CTNNBL1: variants seen among roughly 807,000 people sequenced by gnomAD.
The protein encoded by CTNNBL1 is beta-catenin-like protein 1.
A neutral mutation model predicts 72.7 loss-of-function variants in CTNNBL1; 31 were observed. The observed-to-expected ratio is 0.43, with a 90% CI of 0.32 to 0.58. The LOEUF is 0.58. Among genes scored for constraint, CTNNBL1 ranks in the 20% least tolerant of loss-of-function variants. The pLI is 0.08. For synonymous variants in CTNNBL1, 240 were observed against 267.3 expected, an observed-to-expected ratio of 0.90 and a Z score of 1.00; for missense variants, 534 against 725.1, an observed-to-expected ratio of 0.74 and a Z score of 3.03.
At chr20:37,718,210 G>A (rs1347429691) in intron 1 of CTNNBL1, among the ~76,000 whole-genome samples, 13 of 139,436 alleles carry the variant, frequency 9.3e-5, no homozygotes, top group African/African-American at 3.6e-4. Context: ...CTCACCTCCG[G>A]GACGGGGCGG....
At chr20:37,861,461 G>A (rs1275221645) in intron 15 of CTNNBL1, among the ~76,000 whole-genome samples, 3 of 152,188 alleles carry the variant, frequency 2.0e-5, no homozygotes, top group Non-Finnish European at 4.4e-5. Flanking sequence ...TGACGATGCC[G>A]GAGTTCAGGG....
chr20:37,740,141 C>T (rs2073202953), intron 3 of CTNNBL1, among the ~76,000 whole-genome samples: 1 of 151,964 alleles, frequency 6.6e-6, no homozygotes, highest in Non-Finnish European at 1.5e-5. Flanking sequence ...AATGTATATA[C>T]TATTTTAGTT....
At chr20:37,844,699 A>C (rs976062970) in intron 13 of CTNNBL1, among the ~76,000 whole-genome samples, 9 of 152,240 alleles carry the variant, frequency 5.9e-5, no homozygotes, top group South Asian at 2.1e-4. Flanking sequence ...GTAGGCCAAA[A>C]ATTTTGGGAG....
At position 37,703,137 on chromosome 20, in the gene CTNNBL1, A is replaced by G. The variant is rs374552007; in HGVS notation, c.30+8985A>G. The stretch of plus-strand genomic sequence containing the variant: ...TTTAAACTTAGAAAAAATTATAAAA[A>G]TAGTAGAGTTTCCGTATATTCCTCA... On this transcript the variant is annotated intron_variant, in intron 1 of 15. Coordinates refer to ENST00000361383, the MANE Select transcript of CTNNBL1 (RefSeq NM_030877.5). Among the ~76,000 whole-genome samples, 3 of 152,250 alleles carry G rather than the reference A, an allele frequency of 2.0e-5. No homozygotes were observed. The East Asian group carries it at 5.8e-4, about 29-fold the overall frequency.
intron 3 of CTNNBL1, among the ~76,000 whole-genome samples, chr20:37,741,124 G>A (rs1017394990): frequency 1.3e-5 from 2 of 152,160 alleles, no homozygotes; most frequent in Non-Finnish European, 2.9e-5. Context: ...AGATGGAATC[G>A]ATGACCCCAT....
chr20:37,704,002 C>G (rs1283006204), intron 1 of CTNNBL1, among the ~76,000 whole-genome samples: 1 of 152,130 alleles, frequency 6.6e-6, no homozygotes, highest in Non-Finnish European at 1.5e-5. Context: ...GTCTCGAACT[C>G]CTGACCTCAG....
At chr20:37,831,643 G>A (rs748723635) in intron 11 of CTNNBL1, among the ~76,000 whole-genome samples, 7 of 152,150 alleles carry the variant, frequency 4.6e-5, no homozygotes, top group Non-Finnish European at 1.0e-4. Context: ...TGGGATTACA[G>A]TCATGAATGA....
chr20:37,859,809 T>C (rs913566693), intron 13 of CTNNBL1, 90 bp from the exon 14 acceptor site: 102 of 1,292,264 alleles, frequency 7.9e-5, no homozygotes, highest in Non-Finnish European at 9.7e-5. Flanking sequence ...ATAGTTGCTA[T>C]TGTTGTGTGT....
chr20:37,794,641 C>T (rs1198004513), intron 10 of CTNNBL1, among the ~76,000 whole-genome samples: 2 of 151,988 alleles, frequency 1.3e-5, no homozygotes, highest in Non-Finnish European at 2.9e-5. Flanking sequence ...TACAGGTACC[C>T]ACCACGACAC....
chr20:37,732,718 G>A (rs2073139840), intron 1 of CTNNBL1, among the ~76,000 whole-genome samples, 161 bp from the exon 2 acceptor site: 1 of 152,088 alleles, frequency 6.6e-6, no homozygotes, highest in Non-Finnish European at 1.5e-5. Context: ...TTTTTGTAGA[G>A]TCAGGGTTTT....
chr20:37,701,916 G>T (rs946966586), intron 1 of CTNNBL1, among the ~76,000 whole-genome samples: 2 of 147,812 alleles, frequency 1.4e-5, no homozygotes, highest in Non-Finnish European at 3.0e-5. Context: ...GCAGATGTGT[G>T]GCGTAATACA....
chr20:37,860,468 G>T (rs930110067), intron 15 of CTNNBL1, 124 bp downstream of exon 15: 60 of 780,608 alleles, frequency 7.7e-5, no homozygotes, highest in Non-Finnish European at 1.2e-4. Flanking sequence ...TTAAGTTGTT[G>T]TCCATTTCAC....
At chr20:37,863,179 C>T (rs2072506377) in intron 15 of CTNNBL1, among the ~76,000 whole-genome samples, 1 of 152,134 alleles carries the variant, frequency 6.6e-6, no homozygotes, top group Non-Finnish European at 1.5e-5. Context: ...AAGTGCTGTG[C>T]TATGGAGGTG....
chr20:37,720,515 A>T (rs558772122), intron 1 of CTNNBL1, among the ~76,000 whole-genome samples: 1 of 151,932 alleles, frequency 6.6e-6, no homozygotes, highest in Non-Finnish European at 1.5e-5. Flanking sequence ...TTTTTAAACT[A>T]AAAAAAAGGT....
intron 11 of CTNNBL1, among the ~76,000 whole-genome samples, chr20:37,813,033 G>A (rs2072026067): frequency 1.3e-5 from 2 of 152,086 alleles, no homozygotes; most frequent in South Asian, 2.1e-4. Context: ...AAAAAGTTGG[G>A]AGGGACAAAC....
At chr20:37,764,732 A>C (rs571763196) in intron 5 of CTNNBL1, among the ~76,000 whole-genome samples, 5 of 152,252 alleles carry the variant, frequency 3.3e-5, no homozygotes, top group Admixed American at 6.5e-5. Flanking sequence ...TTTGAGGTCA[A>C]CATAGAATGT....
In CTNNBL1 at chr20:37,694,088, T is replaced by C. The variant is rs761406783; in HGVS notation, c.-35T>C. ...GACGGGCCCGCGGTCTGGGCGTGAG[T>C]GCAGGGAAGTGGAGTATTTGCTGGG... On this transcript the variant is annotated 5_prime_UTR_variant, in exon 1 of 16. Coordinates refer to ENST00000361383, the MANE Select transcript of CTNNBL1 (RefSeq NM_030877.5). The C allele has an allele frequency of 1.2e-5, 19 of 1,600,118 alleles. No individual in the cohort carries two copies. Among genetic ancestry groups the C allele is most frequent in the Admixed American group, 6.9e-5 (4 of 58,128 alleles).
chr20:37,809,529 A>T (rs138929690), intron 11 of CTNNBL1, among the ~76,000 whole-genome samples: 1 of 152,316 alleles, frequency 6.6e-6, no homozygotes, highest in African/African-American at 2.4e-5. Context: ...TACAGTGGGT[A>T]ATTGGCTAAA....
intron 4 of CTNNBL1, chr20:37,750,309 A>T (rs2073307018): frequency 6.6e-6 from 1 of 152,240 alleles, no homozygotes; most frequent in South Asian, 2.1e-4. Context: ...TGTGAAGAGC[A>T]TATCTTGGGG....
Sources: gnomAD v4.1 joint callset for allele counts (sites outside exome capture counted in the v4.1 genomes callset) on GRCh38, gnomAD v4.1.1 for gene constraint, MANE v1.5 for transcripts, NCBI Gene and HGNC (gene_info 2026-07-23, HGNC 2026-07-21) for gene names.